PIK3R1: variants seen among roughly 807,000 people sequenced by gnomAD.
The protein encoded by PIK3R1 is phosphoinositide-3-kinase regulatory subunit 1.
A neutral mutation model predicts 98.0 loss-of-function variants in PIK3R1; 29 were observed. That is an observed-to-expected ratio of 0.30 (90% CI 0.22 to 0.40). The LOEUF is 0.40. Ranked by LOEUF, PIK3R1 falls within the 10% of genes least tolerant of loss-of-function variation. The probability of loss-of-function intolerance (pLI) is 1.00; values close to 1 mark genes in which losing one functional copy is unlikely to be tolerated. For synonymous variants in PIK3R1, 282 were observed against 311.8 expected (o/e 0.90, Z 1.01); for missense variants, 596 against 872.7 (o/e 0.68, Z 3.99).
intron 2 of PIK3R1, among the ~76,000 whole-genome samples, chr5:68,258,569 A>C (rs1745618829): frequency 6.6e-6 from 1 of 152,190 alleles, no homozygotes; most frequent in African/African-American, 2.4e-5. Flanking sequence ...ATGTGAACCT[A>C]AGCAGGCCTT....
At chr5:68,264,365 A>G (rs997221542) in intron 2 of PIK3R1, among the ~76,000 whole-genome samples, 1 of 152,210 alleles carries the variant, frequency 6.6e-6, no homozygotes, top group Non-Finnish European at 1.5e-5. Context: ...TTGTCTGCCT[A>G]AAAAGGCAAC....
At chr5:68,265,697 A>G (rs1394910276) in intron 2 of PIK3R1, among the ~76,000 whole-genome samples, 1 of 152,182 alleles carries the variant, frequency 6.6e-6, no homozygotes, top group Non-Finnish European at 1.5e-5. Context: ...GGGGGAAGGG[A>G]CACAATTCAG....
chr5:68,243,642 A>G (rs1374938366), intron 2 of PIK3R1, among the ~76,000 whole-genome samples: 1 of 152,224 alleles, frequency 6.6e-6, no homozygotes, highest in Non-Finnish European at 1.5e-5. Context: ...CTTTTCCTTT[A>G]GTGACAGTTC....
chr5:68,288,901 C>T (rs1436504733), intron 7 of PIK3R1: 2 of 790,804 alleles, frequency 2.5e-6, no homozygotes, highest in Non-Finnish European at 4.4e-6. Flanking sequence ...CTCCCCCTGT[C>T]CTCGAGGGGG....
In PIK3R1 at chr5:68,298,009, G is replaced by C. The variant is rs1328504400; in HGVS notation, c.*408G>C. On this transcript the variant is annotated 3_prime_UTR_variant, in exon 16 of 16. Transcript: ENST00000521381. Reference sequence around the variant, plus strand: ...GAGAGCGGAGGAGAGAGAGGCAGAAGAACCCTGGCCTGAGAAGGTTTGGTC... The same window carrying C: ...GAGAGCGGAGGAGAGAGAGGCAGAACAACCCTGGCCTGAGAAGGTTTGGTC... 1 of 236,220 alleles carries C rather than the reference G, an allele frequency of 4.2e-6. No individual in the cohort carries two copies. The highest frequency in any genetic ancestry group is 2.2e-5 in the African/African-American group (1 of 45,294). The allele number at this position is 236,220 out of a possible 1,614,324, so 14.6% of individuals were successfully genotyped here.
chr5:68,227,020 A>G lies in PIK3R1; in HGVS notation c.334+11A>G. ...ATGTTGAACAACAAGGTCAGTATTG[A>G]TAAGTGGTTGCTTAATGACTCCCTT... On this transcript the variant is annotated intron_variant, in intron 2 of 15. Transcript: ENST00000521381. 1 of 1,585,036 alleles carries G rather than the reference A, an allele frequency of 6.3e-7. No homozygotes were observed. Among genetic ancestry groups the G allele is most frequent in the Non-Finnish European group, 8.6e-7 (1 of 1,167,226 alleles).
At position 68,292,301 on chromosome 5, in the gene PIK3R1, A is replaced by G. The variant is rs1747439245; in HGVS notation, c.959A>G (p.Asn320Ser). 6.2e-7 allele frequency: 1 copy of G among 1,613,804 alleles called. No individual in the cohort carries two copies. The highest frequency in any genetic ancestry group is 8.5e-7 in the Non-Finnish European group (1 of 1,179,684). ...KPPKPTTVAN[N>S]GMNNNMSLQD... ...CCAAAACCTACTACTGTAGCCAACA[A>G]CGGTATGAATAACAATATGTCCTTA... is the stretch of plus-strand genomic sequence containing the variant. Residue 320 changes from asparagine to serine, a missense_variant, in exon 8 of 16, where the codon AAC (asparagine) becomes AGC (serine). Asn to Ser is a conservative substitution (Grantham distance 46). This residue lies in a region of PIK3R1 where 352 missense variants were observed against 393.3 expected (regional missense o/e 0.90). Coordinates refer to ENST00000521381, the MANE Select transcript of PIK3R1 (RefSeq NM_181523.3).
chr5:68,240,687 C>T (rs377443704), intron 2 of PIK3R1, among the ~76,000 whole-genome samples: 2 of 152,310 alleles, frequency 1.3e-5, no homozygotes, highest in Admixed American at 6.5e-5. Flanking sequence ...TAACTGCTTT[C>T]GGTGAATGCC....
chr5:68,263,106 T>C (rs1056002041), intron 2 of PIK3R1, among the ~76,000 whole-genome samples: 1 of 136,968 alleles, frequency 7.3e-6, no homozygotes, highest in African/African-American at 2.8e-5. Context: ...TGTATATAGA[T>C]ACATACATAG....
chr5:68,288,760 C>T (rs542634701), intron 7 of PIK3R1: 1 of 1,613,118 alleles, frequency 6.2e-7, no homozygotes, highest in African/African-American at 1.3e-5. Flanking sequence ...AAGTAAGTTG[C>T]CTTGAATTTG....
At chr5:68,217,204 GT>G (rs1305330415) in intron 1 of PIK3R1, among the ~76,000 whole-genome samples, 1 of 152,186 alleles carries the variant, frequency 6.6e-6, no homozygotes, top group Non-Finnish European at 1.5e-5. Context: ...TGAGGCTCAA[GT>G]TTTAGTAATC....
intron 2 of PIK3R1, among the ~76,000 whole-genome samples, chr5:68,252,443 T>A (rs903702162): frequency 6.6e-6 from 1 of 151,724 alleles, no homozygotes; most frequent in African/African-American, 2.4e-5. Context: ...AAAAGTGTGG[T>A]GAAGCCATCA....
intron 7 of PIK3R1, 43 bp from the exon 8 acceptor site, chr5:68,292,216 A>G (rs201292281): frequency 1.5e-5 from 18 of 1,194,026 alleles, no homozygotes; most frequent in Non-Finnish European, 2.1e-5. Flanking sequence ...TTTAGTTCTA[A>G]TGTAGTTGGG....
intron 1 of PIK3R1, among the ~76,000 whole-genome samples, chr5:68,222,465 G>A (rs1744125478): frequency 6.6e-6 from 1 of 151,358 alleles, no homozygotes; most frequent in Non-Finnish European, 1.5e-5. Context: ...TAAGGATACA[G>A]GTGGCAGAAG....
intron 2 of PIK3R1, among the ~76,000 whole-genome samples, chr5:68,259,151 G>A (rs2112098730): frequency 6.6e-6 from 1 of 152,314 alleles, no homozygotes; most frequent in South Asian, 2.1e-4. Flanking sequence ...AAAGGTGGCT[G>A]CTATAAATTG....
At chr5:68,251,329 T>A (rs1259042611) in intron 2 of PIK3R1, among the ~76,000 whole-genome samples, 1 of 152,104 alleles carries the variant, frequency 6.6e-6, no homozygotes, top group East Asian at 1.9e-4. Flanking sequence ...TTGAGATGAC[T>A]TTTAGGCTGC....
intron 12 of PIK3R1, among the ~76,000 whole-genome samples, chr5:68,294,924 A>G (rs1285667069): frequency 6.6e-6 from 1 of 151,840 alleles, no homozygotes; most frequent in East Asian, 1.9e-4. Context: ...ACTAACCTGC[A>G]CAATGTGCAC....
chr5:68,263,153 G>C (rs1475838251), intron 2 of PIK3R1, among the ~76,000 whole-genome samples: 1 of 139,894 alleles, frequency 7.1e-6, no homozygotes, highest in South Asian at 2.2e-4. Context: ...ATTTATATAT[G>C]TACATATATC....
chr5:68,288,533 G>A (rs1055103309), intron 7 of PIK3R1: 1 of 1,328,468 alleles, frequency 7.5e-7, no homozygotes, highest in Non-Finnish European at 9.7e-7. Flanking sequence ...CGAGCCAAGC[G>A]GAGCTGGGCC....
Sources: gnomAD v4.1 joint callset for allele counts (sites outside exome capture counted in the v4.1 genomes callset) on GRCh38, gnomAD v4.1.1 for gene constraint, gnomAD v4.1.1 regional missense constraint, MANE v1.5 for transcripts, NCBI Gene and HGNC (gene_info 2026-07-23, HGNC 2026-07-21) for gene names.